The following PTPRK variants were observed in gnomAD, a reference collection of about 807,000 sequenced individuals.
PTPRK encodes protein tyrosine phosphatase receptor type K.
PTPRK carries 75 observed loss-of-function variants against 178.0 expected under a neutral mutation model. The ratio of observed to expected loss-of-function variants is 0.42; its 90% CI spans 0.35 to 0.51. PTPRK has a LOEUF of 0.51. Ranked by LOEUF, PTPRK falls within the 20% of genes least tolerant of loss-of-function variation. PTPRK has a pLI of 0.02. For synonymous variants in PTPRK, 637 were observed against 620.6 expected, an observed-to-expected ratio of 1.03 and a Z score of -0.39; for missense variants, 1,441 against 1,797.8, an observed-to-expected ratio of 0.80 and a Z score of 3.59.
At chr6:128,303,800 T>C (rs1456317024) in intron 3 of PTPRK, among the ~76,000 whole-genome samples, 6 of 152,234 alleles carry the variant, frequency 3.9e-5, no homozygotes, top group Non-Finnish European at 8.8e-5. Flanking sequence ...AAACAATCTA[T>C]TTTTACATAG....
At chr6:128,104,418 T>C (rs975495552) in intron 7 of PTPRK, among the ~76,000 whole-genome samples, 1 of 152,132 alleles carries the variant, frequency 6.6e-6, no homozygotes, top group Non-Finnish European at 1.5e-5. Context: ...GAGACAGGGT[T>C]TCACTGTGTT....
chr6:128,388,332 TAA>T (rs756226447), intron 2 of PTPRK, among the ~76,000 whole-genome samples: 4 of 152,100 alleles, frequency 2.6e-5, no homozygotes, highest in Non-Finnish European at 5.9e-5. Context: ...TAGCCTGAGG[TAA>T]AAAGATGACC....
At chr6:128,487,116 C>T (rs1853054710) in intron 1 of PTPRK, among the ~76,000 whole-genome samples, 1 of 145,826 alleles carries the variant, frequency 6.9e-6, no homozygotes, top group South Asian at 2.7e-4. Context: ...TTCTCTTCTA[C>T]TGTTTGTTTC....
intron 13 of PTPRK, 42 bp downstream of exon 13, chr6:128,064,716 G>C: frequency 1.3e-6 from 2 of 1,569,626 alleles, no homozygotes; most frequent in Non-Finnish European, 8.6e-7. Flanking sequence ...TTAGAAAGGG[G>C]GTGAGAGTAG....
intron 15 of PTPRK, chr6:127,999,868 C>T (rs1432139846): frequency 1.4e-6 from 1 of 697,064 alleles, no homozygotes; most frequent in Non-Finnish European, 1.8e-6. Flanking sequence ...TCAACTGAAT[C>T]CCTGACCACT....
chr6:128,038,977 T>C (rs917708286), intron 13 of PTPRK, among the ~76,000 whole-genome samples: 1 of 152,166 alleles, frequency 6.6e-6, no homozygotes, highest in African/African-American at 2.4e-5. Flanking sequence ...TTAGTAGTGA[T>C]AAGGATATGG....
At chr6:128,359,913 TC>T (rs1254742154) in intron 2 of PTPRK, among the ~76,000 whole-genome samples, 1 of 152,190 alleles carries the variant, frequency 6.6e-6, no homozygotes, top group Non-Finnish European at 1.5e-5. Flanking sequence ...TATCCTTTAG[TC>T]TAGAGTCAAA....
At chr6:128,063,810 G>A (rs573389560) in intron 13 of PTPRK, among the ~76,000 whole-genome samples, 1 of 152,172 alleles carries the variant, frequency 6.6e-6, no homozygotes, top group South Asian at 2.1e-4. Flanking sequence ...TACAAATCAG[G>A]AGTAAAGCAC....
chr6:128,112,514 G>A (rs1051373769), intron 7 of PTPRK, among the ~76,000 whole-genome samples: 1 of 152,054 alleles, frequency 6.6e-6, no homozygotes, highest in African/African-American at 2.4e-5. Flanking sequence ...TCAGCAAAGG[G>A]AAAACACTTA....
intron 1 of PTPRK, among the ~76,000 whole-genome samples, chr6:128,486,481 T>G (rs1236138280): frequency 6.6e-6 from 1 of 152,092 alleles, no homozygotes; most frequent in Non-Finnish European, 1.5e-5. Context: ...CACAATTATA[T>G]CTATACTCTG....
At chr6:128,500,587 A>G (rs1263406349) in intron 1 of PTPRK, 3 of 152,218 alleles carry the variant, frequency 2.0e-5, no homozygotes, top group Non-Finnish European at 4.4e-5. Context: ...CTCTTTAAAA[A>G]TAAATCCCTG....
At chr6:128,409,295 T>C (rs529613276) in intron 1 of PTPRK, 51 of 454,250 alleles carry the variant, frequency 1.1e-4, no homozygotes, top group South Asian at 8.0e-4. Flanking sequence ...ATAACTTACC[T>C]CCTTTTCACT....
intron 3 of PTPRK, among the ~76,000 whole-genome samples, chr6:128,243,095 A>T (rs35849551): frequency 6.6e-6 from 1 of 152,176 alleles, no homozygotes; most frequent in African/African-American, 2.4e-5. Flanking sequence ...AGGAACAAAT[A>T]CAATGAAAAA....
intron 7 of PTPRK, among the ~76,000 whole-genome samples, chr6:128,117,443 G>A (rs1791726064): frequency 6.6e-6 from 1 of 152,122 alleles, no homozygotes; most frequent in African/African-American, 2.4e-5. Flanking sequence ...ACAATCGCAC[G>A]ACATAAACTT....
At chr6:128,363,838 C>T (rs560443413) in intron 2 of PTPRK, among the ~76,000 whole-genome samples, 9 of 152,238 alleles carry the variant, frequency 5.9e-5, no homozygotes, top group African/African-American at 2.2e-4. Context: ...GTCTTTACTT[C>T]CAGGCCCAGA....
At chr6:127,986,276 C>T (rs940782225) in intron 21 of PTPRK, among the ~76,000 whole-genome samples, 1 of 152,160 alleles carries the variant, frequency 6.6e-6, no homozygotes, top group African/African-American at 2.4e-5. Flanking sequence ...AACTTTCCAG[C>T]TTCTCACCTC....
At chr6:128,279,448 A>G (rs919731788) in intron 3 of PTPRK, among the ~76,000 whole-genome samples, 2 of 152,190 alleles carry the variant, frequency 1.3e-5, no homozygotes, top group Non-Finnish European at 2.9e-5. Flanking sequence ...TCATTCCCCA[A>G]TGAATGGCTT....
At chr6:128,169,831 G>T (rs1799983119) in intron 7 of PTPRK, among the ~76,000 whole-genome samples, 1 of 147,778 alleles carries the variant, frequency 6.8e-6, no homozygotes. Flanking sequence ...ATTATTTTAA[G>T]GCCACTATTA....
chr6:128,072,478 T>TA (rs1304639644), intron 11 of PTPRK, among the ~76,000 whole-genome samples: 1 of 152,012 alleles, frequency 6.6e-6, no homozygotes, highest in African/African-American at 2.4e-5. Context: ...TGTTTTATAA[T>TA]AAAGTGTTTA....
Sources: gnomAD v4.1 joint callset for allele counts (sites outside exome capture counted in the v4.1 genomes callset) on GRCh38, gnomAD v4.1.1 for gene constraint, MANE v1.5 for transcripts, NCBI Gene and HGNC (gene_info 2026-07-23, HGNC 2026-07-21) for gene names.